COL14A1: variants seen among roughly 807,000 people sequenced by gnomAD.
COL14A1 encodes collagen alpha-1(XIV) chain.
In COL14A1, 136 loss-of-function variants were observed where a neutral mutation model predicts 230.3. The observed-to-expected ratio is 0.59, with a 90% CI of 0.51 to 0.68. COL14A1 has a LOEUF of 0.68. Ranked by LOEUF, COL14A1 falls within the 30% of genes least tolerant of loss-of-function variation. The probability of loss-of-function intolerance (pLI) is 0.00; values close to 1 mark genes in which losing one functional copy is unlikely to be tolerated. For synonymous variants in COL14A1, 792 were observed against 784.1 expected, an observed-to-expected ratio of 1.01 and a Z score of -0.17; for missense variants, 1,976 against 2,215.8, an observed-to-expected ratio of 0.89 and a Z score of 2.17.
At chr8:120,335,300 A>G (rs894266858) in intron 42 of COL14A1, among the ~76,000 whole-genome samples, 3 of 152,208 alleles carry the variant, frequency 2.0e-5, no homozygotes, top group Non-Finnish European at 2.9e-5. Flanking sequence ...ACACTTGTTC[A>G]TAATGTTATT....
At chr8:120,156,328 C>G (rs1815478951) in intron 2 of COL14A1, among the ~76,000 whole-genome samples, 1 of 152,128 alleles carries the variant, frequency 6.6e-6, no homozygotes, top group Non-Finnish European at 1.5e-5. Context: ...TGCCACCACA[C>G]CTGGCTAATT....
chr8:120,174,600 G>A lies in COL14A1; in HGVS notation c.436+6353G>A, dbSNP rs1276336574. ...GAGATATGTTTGAACATATGTTTAC[G>A]GAGGAGTTCTTTCTGAGCCCACTTT... On this transcript the variant is annotated intron_variant, in intron 5 of 47. Transcript: ENST00000297848. 6.6e-5 allele frequency among the ~76,000 whole-genome samples: 10 copies of A among 152,210 alleles called. No individual in the cohort carries two copies. The South Asian group carries it at 1.0e-3, about 16-fold the overall frequency.
chr8:120,219,786 G>A (rs1280332256), intron 14 of COL14A1, among the ~76,000 whole-genome samples: 1 of 152,098 alleles, frequency 6.6e-6, no homozygotes, highest in Admixed American at 6.6e-5. Flanking sequence ...CATATGTTTG[G>A]GGGTTTTTTT....
In COL14A1 at chr8:120,280,902, AC is replaced by A; in HGVS notation, c.3686-18del. 1 of 1,328,536 alleles carries A rather than the reference AC, an allele frequency of 7.5e-7. No individual in the cohort carries two copies. The highest frequency in any genetic ancestry group is 1.0e-6 in the Non-Finnish European group (1 of 996,360). 82.3% of individuals were successfully genotyped at this position (1,328,536 alleles called of 1,614,324 possible). On this transcript the variant is annotated intron_variant, in intron 30 of 47. Transcript: ENST00000297848. ...TATTCCTTATGTTTATTCTTTTTCT[AC>A]TTTTTTTTTTTTTTTAGGATTTAAG...
At chr8:120,315,241 G>C (rs1027363044) in intron 38 of COL14A1, among the ~76,000 whole-genome samples, 1 of 151,838 alleles carries the variant, frequency 6.6e-6, no homozygotes, top group Admixed American at 6.6e-5. Flanking sequence ...GTGGTGGCAG[G>C]CATCTGTAAT....
rs1043172084 is a variant in COL14A1 at position 120,144,529 on chromosome 8, A to T, written c.-37-3277A>T. On this transcript the variant is annotated intron_variant, in intron 1 of 47. Coordinates refer to ENST00000297848, the MANE Select transcript of COL14A1 (RefSeq NM_021110.4). Reference sequence around the variant, plus strand: ...ATTTAAAAAAATTCTTAGTAAAAAGACAAGAACTTTTAAAAGTTTGACATA... The same window carrying T: ...ATTTAAAAAAATTCTTAGTAAAAAGTCAAGAACTTTTAAAAGTTTGACATA... Among the ~76,000 whole-genome samples, 3 of 152,312 alleles carry T rather than the reference A, an allele frequency of 2.0e-5. No individual in the cohort carries two copies. In the East Asian group the frequency reaches 5.8e-4, roughly 29 times the overall value.
intron 18 of COL14A1, among the ~76,000 whole-genome samples, chr8:120,230,742 T>C (rs1417169795): frequency 6.6e-6 from 1 of 152,046 alleles, no homozygotes; most frequent in Non-Finnish European, 1.5e-5. Context: ...ACAGAAAAAG[T>C]TCAATGAATA....
intron 36 of COL14A1, among the ~76,000 whole-genome samples, chr8:120,301,661 A>G (rs1191431121): frequency 6.6e-6 from 1 of 152,154 alleles, no homozygotes; most frequent in Non-Finnish European, 1.5e-5. Context: ...GCTACAGTGA[A>G]CATTCGTGTG....
chr8:120,142,071 A>AT (rs541946441), intron 1 of COL14A1, among the ~76,000 whole-genome samples: 6 of 149,240 alleles, frequency 4.0e-5, no homozygotes, highest in East Asian at 3.9e-4. Flanking sequence ...TGAAAAGGAA[A>AT]TTTTTTTTTT....
At chr8:120,235,053 T>A (rs1372215668) in intron 19 of COL14A1, among the ~76,000 whole-genome samples, 18 of 152,220 alleles carry the variant, frequency 1.2e-4, no homozygotes, top group Non-Finnish European at 1.5e-5. Flanking sequence ...AGGGTGTATG[T>A]GTCCAGGAAT....
chr8:120,132,853 T>C (rs1344322884), intron 1 of COL14A1, among the ~76,000 whole-genome samples: 1 of 151,874 alleles, frequency 6.6e-6, no homozygotes, highest in East Asian at 1.9e-4. Context: ...TCTCCAAGAG[T>C]ACTGAACTCT....
At chr8:120,183,862 C>A (rs1816557532) in intron 5 of COL14A1, among the ~76,000 whole-genome samples, 1 of 152,120 alleles carries the variant, frequency 6.6e-6, no homozygotes, top group Non-Finnish European at 1.5e-5. Context: ...CTTCTTCCTT[C>A]CCTCCCTCCC....
intron 5 of COL14A1, among the ~76,000 whole-genome samples, chr8:120,193,848 C>T (rs560530891): frequency 3.5e-4 from 54 of 152,282 alleles, no homozygotes; most frequent in South Asian, 2.5e-3. Flanking sequence ...TAGGACCCTC[C>T]GAGCCAGGTG....
At chr8:120,260,348 G>A (rs1271725873) in intron 23 of COL14A1, among the ~76,000 whole-genome samples, 2 of 151,758 alleles carry the variant, frequency 1.3e-5, no homozygotes, top group African/African-American at 4.8e-5. Context: ...AATTTAACTA[G>A]GTTTGATGCT....
At chr8:120,241,675 A>G (rs1818613245) in intron 19 of COL14A1, among the ~76,000 whole-genome samples, 1 of 152,116 alleles carries the variant, frequency 6.6e-6, no homozygotes, top group African/African-American at 2.4e-5. Flanking sequence ...AACTTTGCAT[A>G]CCCAAGAGGA....
chr8:120,239,050 T>C (rs1818539143), intron 19 of COL14A1, among the ~76,000 whole-genome samples: 1 of 152,218 alleles, frequency 6.6e-6, no homozygotes, highest in Non-Finnish European at 1.5e-5. Context: ...CTGTTCCTAT[T>C]TGGCCATCTT....
chr8:120,293,637 T>C (rs1820438053), intron 34 of COL14A1, among the ~76,000 whole-genome samples: 1 of 151,856 alleles, frequency 6.6e-6, no homozygotes, highest in African/African-American at 2.4e-5. Flanking sequence ...TATAAGATCA[T>C]CTGCCTTTCA....
At chr8:120,358,984 G>A (rs1586896620) in intron 45 of COL14A1, among the ~76,000 whole-genome samples, 4 of 152,056 alleles carry the variant, frequency 2.6e-5, no homozygotes, top group African/African-American at 7.2e-5. Context: ...TGTAAATATA[G>A]TGAAGTAGTT....
At chr8:120,212,615 A>G (rs1192385953) in intron 13 of COL14A1, 38 bp downstream of exon 13, 1 of 1,610,630 alleles carries the variant, frequency 6.2e-7, no homozygotes, top group Admixed American at 1.7e-5. Context: ...TGCTGTAGTA[A>G]AAGCCCACAT....
Sources: gnomAD v4.1 joint callset for allele counts (sites outside exome capture counted in the v4.1 genomes callset) on GRCh38, gnomAD v4.1.1 for gene constraint, MANE v1.5 for transcripts, NCBI Gene and HGNC (gene_info 2026-07-23, HGNC 2026-07-21) for gene names.